The following MBNL2 variants were observed in gnomAD, a reference collection of about 807,000 sequenced individuals.
The protein encoded by MBNL2 is muscleblind like splicing regulator 2.
A neutral mutation model predicts 41.9 loss-of-function variants in MBNL2; 17 were observed. The observed-to-expected ratio is 0.41, with a 90% confidence interval of 0.28 to 0.61. The LOEUF is 0.61. Among genes scored for constraint, MBNL2 ranks in the 20% least tolerant of loss-of-function variants. The probability of loss-of-function intolerance (pLI) is 0.35; values close to 1 mark genes in which losing one functional copy is unlikely to be tolerated. For synonymous variants in MBNL2, 195 were observed against 182.9 expected (o/e 1.07, Z -0.53); for missense variants, 336 against 505.6 (o/e 0.66, Z 3.22).
chr13:97,231,812 T>A lies in MBNL2; in HGVS notation c.-605+9281T>A, dbSNP rs949405591. Among the ~76,000 whole-genome samples the A allele has an allele frequency of 4.6e-5, 7 of 152,094 alleles. No individual in the cohort carries two copies. The East Asian group carries it at 9.6e-4, about 21-fold the overall frequency. ...TCTGCTCCAGAGTTGTTTTTTTTTT[T>A]ATTATCCTAAGGAATATATGCATTA... On this transcript the variant is annotated intron_variant, in intron 1 of 8. Transcript: ENST00000679496.
chr13:97,301,443 C>G (rs1028365481), intron 2 of MBNL2, among the ~76,000 whole-genome samples: 1 of 152,118 alleles, frequency 6.6e-6, no homozygotes, highest in Non-Finnish European at 1.5e-5. Context: ...ATGACCTCAC[C>G]GTGTCTTGGA....
At chr13:97,354,173 G>T (rs1309065760) in intron 5 of MBNL2, among the ~76,000 whole-genome samples, 1 of 151,922 alleles carries the variant, frequency 6.6e-6, no homozygotes, top group Non-Finnish European at 1.5e-5. Context: ...TTTCCAAGTG[G>T]CTGATACATA....
chr13:97,327,551 C>A (rs930682569), intron 2 of MBNL2, among the ~76,000 whole-genome samples: 2 of 90,172 alleles, frequency 2.2e-5, no homozygotes, highest in Middle Eastern at 7.9e-3. Context: ...GACTATTATA[C>A]GTTATTTGTA....
the MBNL2 span, among the ~76,000 whole-genome samples, chr13:97,204,425 C>T: frequency 6.6e-6 from 1 of 152,196 alleles, no homozygotes; most frequent in Non-Finnish European, 1.5e-5. Context: ...TTATAACACA[C>T]ATTCAAAAGA....
At chr13:97,304,569 G>T (rs2057944945) in intron 2 of MBNL2, among the ~76,000 whole-genome samples, 2 of 152,124 alleles carry the variant, frequency 1.3e-5, no homozygotes, top group Non-Finnish European at 2.9e-5. Context: ...CATAGTATAA[G>T]ATCTTTAAAG....
intron 2 of MBNL2, among the ~76,000 whole-genome samples, chr13:97,291,175 G>A (rs78870404): frequency 0.019 from 2,900 of 152,178 alleles, 109 homozygotes; most frequent in African/African-American, 0.066. Context: ...AATGCCACCC[G>A]GCTGGGGTGG....
the MBNL2 span, among the ~76,000 whole-genome samples, chr13:97,213,640 G>T: frequency 4.0e-5 from 6 of 150,996 alleles, no homozygotes; most frequent in Non-Finnish European, 5.9e-5. Flanking sequence ...AGATTCTCGG[G>T]GTCCCATCTA....
intron 1 of MBNL2, among the ~76,000 whole-genome samples, chr13:97,229,354 A>G (rs1266501037): frequency 6.6e-6 from 1 of 151,808 alleles, no homozygotes; most frequent in Non-Finnish European, 1.5e-5. Context: ...CTAATGTGGT[A>G]TGTCCACACC....
chr13:97,255,222 G>GAACTGACAGAAGAAATCTGC (rs2047300792), intron 1 of MBNL2, among the ~76,000 whole-genome samples: 1 of 152,160 alleles, frequency 6.6e-6, no homozygotes, highest in African/African-American at 2.4e-5. Flanking sequence ...AGAGTTAGAA[G>GAACTGACAGAAGAAATCTGC]AACTGACAGA....
chr13:97,357,500 C>G lies in MBNL2; in HGVS notation c.877C>G (p.Leu293Val). ...TTTCTAGGCCTTTCCCCCTGGTGCT[C>G]TTCATCCTTTACCAAAGAGACAAGC... ...TVDLAFPPGA[L>V]HPLPKRQALE... The change falls in exon 7 of 9, where the codon CTT becomes GTT. Residue 293 changes from leucine to valine, a missense_variant. Transcript: ENST00000679496. 1 of 1,614,120 alleles carries G rather than the reference C, an allele frequency of 6.2e-7. No homozygotes were observed. Among genetic ancestry groups the G allele is most frequent in the East Asian group, 2.2e-5 (1 of 44,886 alleles).
At chr13:97,175,392 AAGTGATCCTAAC>A in the MBNL2 span, among the ~76,000 whole-genome samples, 1 of 152,236 alleles carries the variant, frequency 6.6e-6, no homozygotes, top group Non-Finnish European at 1.5e-5. Flanking sequence ...TGAACTGACC[AAGTGATCCTAAC>A]AGTGATCCAG....
At chr13:97,354,459 C>G (rs2062808550) in intron 5 of MBNL2, among the ~76,000 whole-genome samples, 1 of 152,170 alleles carries the variant, frequency 6.6e-6, no homozygotes, top group African/African-American at 2.4e-5. Context: ...CCTCCAAGAC[C>G]TCAGTGTTTA....
chr13:97,389,705 CAAAA>C (rs915634753), intron 8 of MBNL2, among the ~76,000 whole-genome samples: 3 of 133,144 alleles, frequency 2.3e-5, no homozygotes, highest in African/African-American at 8.5e-5. Context: ...GACCCTGTCT[CAAAA>C]AAAAAAGAAA....
chr13:97,185,493 A>G, the MBNL2 span, among the ~76,000 whole-genome samples: 2 of 152,216 alleles, frequency 1.3e-5, no homozygotes, highest in Non-Finnish European at 2.9e-5. Flanking sequence ...TCTGAAGATT[A>G]TCTTGGATTA....
chr13:97,347,066 T>C lies in MBNL2; in HGVS notation c.803T>C (p.Met268Thr), dbSNP rs370458933. 7.0e-6 allele frequency: 11 copies of C among 1,579,584 alleles called. No individual in the cohort carries two copies. The highest frequency in any genetic ancestry group is 2.3e-5 in the East Asian group (1 of 43,568). The change falls in exon 5 of 9, where the codon ATG (methionine) becomes ACG (threonine). Residue 268 changes from methionine (M) to threonine (T), a missense_variant and splice_region_variant. Met to Thr is a moderately conservative substitution (Grantham distance 81, BLOSUM62 -1). Coordinates refer to ENST00000679496, the MANE Select transcript of MBNL2 (RefSeq NM_001382683.1). The part of the protein sequence containing the change: ...AQAAAAAATV[M>T]TQSTAKAMKR... ...GCAGCCGCGGCCGCGGCCACAGTCA[T>C]GGTAAGTGCGGCCGCCCGCCGCCCC... is the stretch of plus-strand genomic sequence containing the variant.
At chr13:97,384,848 G>C (rs545570186) in intron 8 of MBNL2, among the ~76,000 whole-genome samples, 42 of 152,210 alleles carry the variant, frequency 2.8e-4, no homozygotes, top group Middle Eastern at 6.8e-3. Context: ...AGTCTAGAAG[G>C]TTACTTTAGG....
At chr13:97,226,104 G>A (rs186219857) in intron 1 of MBNL2, among the ~76,000 whole-genome samples, 430 of 152,150 alleles carry the variant, frequency 2.8e-3, no homozygotes, top group African/African-American at 0.01. Flanking sequence ...AAGGTGCTGC[G>A]TGGCTGGGTC....
intron 3 of MBNL2, among the ~76,000 whole-genome samples, chr13:97,339,882 G>GA (rs2061305307): frequency 7.0e-6 from 1 of 142,012 alleles, no homozygotes; most frequent in African/African-American, 2.7e-5. Context: ...GGCGGGGGGG[G>GA]CGTTGTTTTT....
At chr13:97,340,083 G>T (rs578045660) in intron 3 of MBNL2, among the ~76,000 whole-genome samples, 7 of 152,292 alleles carry the variant, frequency 4.6e-5, no homozygotes, top group Non-Finnish European at 7.3e-5. Flanking sequence ...TCTTGCTGCC[G>T]CACTTGCTTC....
Sources: gnomAD v4.1 joint callset for allele counts (sites outside exome capture counted in the v4.1 genomes callset) on GRCh38, gnomAD v4.1.1 for gene constraint, MANE v1.5 for transcripts, NCBI Gene and HGNC (gene_info 2026-07-23, HGNC 2026-07-21) for gene names.